Variants in NRIP3 observed in about 807,000 individuals in gnomAD.
NRIP3 encodes nuclear receptor interacting protein 3.
A neutral mutation model predicts 29.0 loss-of-function variants in NRIP3; 31 were observed. The ratio of observed to expected loss-of-function variants is 1.07; its 90% CI spans 0.80 to 1.44. The LOEUF (loss-of-function observed/expected upper bound fraction) is 1.44, where lower values mean the gene tolerates loss of function less well. Among genes scored for constraint, NRIP3 ranks in the 40% most tolerant of loss-of-function variants. The probability of loss-of-function intolerance (pLI) is 0.00; values close to 1 mark genes in which losing one functional copy is unlikely to be tolerated. For missense variants in NRIP3, 314 were observed against 297.9 expected, an observed-to-expected ratio of 1.05 and a Z score of -0.40; for synonymous variants, 131 against 118.3, an observed-to-expected ratio of 1.11 and a Z score of -0.70.
In NRIP3 at chr11:8,982,905, G is replaced by A. The variant is rs1854444757; in HGVS notation, c.*640C>T. The stretch of plus-strand genomic sequence containing the variant: ...GGCTTGAATACAAATGAGGCAGCAT[G>A]GGAGTCTTGGCTTGGAAATCAGGTC... On this transcript the variant is annotated 3_prime_UTR_variant, in exon 7 of 7. Coordinates refer to ENST00000309166, the MANE Select transcript of NRIP3 (RefSeq NM_020645.3). 1 of 454,348 alleles carries A rather than the reference G, an allele frequency of 2.2e-6. No homozygotes were observed. The highest frequency in any genetic ancestry group is 2.0e-5 in the African/African-American group (1 of 49,774). The allele number at this position is 454,348 out of a possible 1,614,324, so 28.1% of individuals were successfully genotyped here.
intron 1 of NRIP3, among the ~76,000 whole-genome samples, chr11:8,997,574 ACT>A (rs896810550): frequency 6.6e-6 from 1 of 152,138 alleles, no homozygotes; most frequent in African/African-American, 2.4e-5. Context: ...AGGCATCTAA[ACT>A]CTAACCAGGC....
Position 8,983,579 on chromosome 11 carries a change from A to T in NRIP3, c.711-19T>A, listed in dbSNP as rs373650603. Reference sequence around the variant, plus strand: ...TGAAGTGCTGAAATGAGAAATAAATATCAGGAGAAATAATGCCAAATTCAA... The same window carrying T: ...TGAAGTGCTGAAATGAGAAATAAATTTCAGGAGAAATAATGCCAAATTCAA... On this transcript the variant is annotated intron_variant, in intron 6 of 6. Transcript: ENST00000309166. The T allele has an allele frequency of 6.2e-7, 1 of 1,612,234 alleles. No individual in the cohort carries two copies.
At chr11:8,992,993 G>A (rs1854635148) in intron 1 of NRIP3, among the ~76,000 whole-genome samples, 1 of 152,186 alleles carries the variant, frequency 6.6e-6, no homozygotes, top group African/African-American at 2.4e-5. Context: ...TATTTCCTGT[G>A]TCTTCTCAAG....
chr11:9,000,762 T>C (rs79579961), intron 1 of NRIP3, among the ~76,000 whole-genome samples: 2 of 143,434 alleles, frequency 1.4e-5, no homozygotes, highest in African/African-American at 5.1e-5. Context: ...TTCTCCAGCT[T>C]CACTGAGTTA....
At chr11:8,991,984 AGAGCT>A (rs1197771822) in intron 1 of NRIP3, among the ~76,000 whole-genome samples, 2 of 152,366 alleles carry the variant, frequency 1.3e-5, no homozygotes, top group Admixed American at 1.3e-4. Flanking sequence ...TGAAGACAGA[AGAGCT>A]ACTGTTAGTT....
At chr11:8,994,577 G>A (rs974925087) in intron 1 of NRIP3, among the ~76,000 whole-genome samples, 6 of 152,182 alleles carry the variant, frequency 3.9e-5, no homozygotes, top group Non-Finnish European at 7.4e-5. Context: ...TTTTAAAACA[G>A]CACATCCTTG....
intron 1 of NRIP3, among the ~76,000 whole-genome samples, chr11:8,995,263 A>G (rs1373956372): frequency 6.6e-6 from 1 of 152,104 alleles, no homozygotes; most frequent in Non-Finnish European, 1.5e-5. Context: ...TTACTACTCC[A>G]TGAAGGCTTT....
At position 8,983,495 on chromosome 11, in the gene NRIP3, T is replaced by A. The variant is rs1854455411; in HGVS notation, c.*50A>T. Reference sequence around the variant, plus strand: ...GTTCAAACCCAGTTTTCTCTATCTGTCAACCCGGTGTGTATGCATGCACAC... The same window carrying A: ...GTTCAAACCCAGTTTTCTCTATCTGACAACCCGGTGTGTATGCATGCACAC... On this transcript the variant is annotated 3_prime_UTR_variant, in exon 7 of 7. Transcript: ENST00000309166. 1 of 1,596,592 alleles carries A rather than the reference T, an allele frequency of 6.3e-7. No homozygotes were observed. The highest frequency in any genetic ancestry group is 8.6e-7 in the Non-Finnish European group (1 of 1,168,768).
chr11:9,004,036 G>A (rs1009138154), upstream of NRIP3: 10 of 1,185,958 alleles, frequency 8.4e-6, no homozygotes, highest in Admixed American at 1.7e-4. Flanking sequence ...TTTTATAGCC[G>A]AGCGTGACGT....
chr11:9,002,037 A>G (rs1392848685), intron 1 of NRIP3, among the ~76,000 whole-genome samples: 4 of 152,234 alleles, frequency 2.6e-5, no homozygotes, highest in African/African-American at 9.6e-5. Flanking sequence ...ACTGAGACAG[A>G]CTAGAGTCAG....
intron 1 of NRIP3, among the ~76,000 whole-genome samples, chr11:8,990,374 C>T (rs1351559396): frequency 6.6e-6 from 1 of 152,164 alleles, no homozygotes; most frequent in Non-Finnish European, 1.5e-5. Flanking sequence ...TTAATTTTAC[C>T]AGACTTTTCT....
intron 1 of NRIP3, among the ~76,000 whole-genome samples, chr11:8,999,748 C>T (rs1418032369): frequency 6.6e-6 from 1 of 152,014 alleles, no homozygotes; most frequent in East Asian, 1.9e-4. Flanking sequence ...CTTGCTGTTC[C>T]TTCTGCCTAG....
chr11:9,002,008 A>C (rs988676363), intron 1 of NRIP3, among the ~76,000 whole-genome samples: 1 of 152,244 alleles, frequency 6.6e-6, no homozygotes, highest in Non-Finnish European at 1.5e-5. Flanking sequence ...GCTGTATGCT[A>C]TCAGCCCTTT....
chr11:8,985,565 A>C, intron 4 of NRIP3, 146 bp downstream of exon 4: 1 of 929,664 alleles, frequency 1.1e-6, no homozygotes, highest in African/African-American at 1.7e-5. Flanking sequence ...GGAGAGCAAA[A>C]ATTGGGACAA....
chr11:8,987,448 T>A, intron 3 of NRIP3, 100 bp downstream of exon 3: 1 of 868,676 alleles, frequency 1.2e-6, no homozygotes, highest in South Asian at 1.4e-5. Context: ...TACTTCTCTT[T>A]GAGCTGCTGT....
At chr11:8,991,026 G>C (rs775700580) in intron 1 of NRIP3, among the ~76,000 whole-genome samples, 1 of 152,048 alleles carries the variant, frequency 6.6e-6, no homozygotes, top group Non-Finnish European at 1.5e-5. Context: ...TTCTGTCCAG[G>C]TGCGGTGGCT....
At chr11:8,996,377 G>A (rs1386611833) in intron 1 of NRIP3, among the ~76,000 whole-genome samples, 1 of 144,762 alleles carries the variant, frequency 6.9e-6, no homozygotes, top group African/African-American at 2.6e-5. Flanking sequence ...CACCTCCTGG[G>A]TTCAAGCAAT....
chr11:8,992,038 T>C (rs1452937404), intron 1 of NRIP3, among the ~76,000 whole-genome samples: 9 of 152,240 alleles, frequency 5.9e-5, no homozygotes. Context: ...GCTGTCTTGT[T>C]GACTTTTCCA....
At chr11:9,003,134 T>C (rs1854838241) in intron 1 of NRIP3, among the ~76,000 whole-genome samples, 2 of 152,138 alleles carry the variant, frequency 1.3e-5, no homozygotes, top group African/African-American at 2.4e-5. Flanking sequence ...TTCCTCCCTC[T>C]ACCCACTCCT....
Sources: gnomAD v4.1 joint callset for allele counts (sites outside exome capture counted in the v4.1 genomes callset) on GRCh38, gnomAD v4.1.1 for gene constraint, MANE v1.5 for transcripts, NCBI Gene and HGNC (gene_info 2026-07-23, HGNC 2026-07-21) for gene names.